TRAF3: variants seen among roughly 807,000 people sequenced by gnomAD.
The protein encoded by TRAF3 is TNF receptor associated factor 3, also known as TNF receptor-associated factor 3.
TRAF3 carries 13 observed loss-of-function variants against 62.3 expected under a neutral mutation model. That is an observed-to-expected ratio of 0.21 (90% CI 0.14 to 0.33). The LOEUF (loss-of-function observed/expected upper bound fraction) is 0.33, where lower values mean the gene tolerates loss of function less well. Among genes scored for constraint, TRAF3 ranks in the 10% least tolerant of loss-of-function variants. TRAF3 has a pLI of 1.00. For synonymous variants in TRAF3, 269 were observed against 283.4 expected, an observed-to-expected ratio of 0.95 and a Z score of 0.51; for missense variants, 440 against 741.8, an observed-to-expected ratio of 0.59 and a Z score of 4.73.
chr14:102,848,959 T>G (rs998013834), intron 2 of TRAF3, among the ~76,000 whole-genome samples: 10 of 152,114 alleles, frequency 6.6e-5, no homozygotes, highest in Non-Finnish European at 1.0e-4. Flanking sequence ...TGTTGTTGTT[T>G]TTTCCTTTTG....
chr14:102,812,637 A>AGGCC (rs1192287619), intron 1 of TRAF3, among the ~76,000 whole-genome samples: 1 of 152,028 alleles, frequency 6.6e-6, no homozygotes, highest in Non-Finnish European at 1.5e-5. Context: ...GCCTTTTCTC[A>AGGCC]GGCCGGGCGT....
At chr14:102,839,240 A>G (rs867453111) in intron 2 of TRAF3, among the ~76,000 whole-genome samples, 2 of 31,054 alleles carry the variant, frequency 6.4e-5, no homozygotes, top group African/African-American at 3.4e-4. Context: ...TTTTTTTTTG[A>G]AACAGTCTCA....
intron 2 of TRAF3, among the ~76,000 whole-genome samples, chr14:102,839,994 T>C (rs1230791044): frequency 1.3e-5 from 2 of 152,204 alleles, no homozygotes; most frequent in African/African-American, 4.8e-5. Flanking sequence ...ATTAGTCTAA[T>C]TCTACTTAGT....
rs547062697 is a variant in TRAF3, at chr14:102,828,540, G to A, written c.-156-1794G>A. Among the ~76,000 whole-genome samples, 3 of 152,316 alleles carry A rather than the reference G, an allele frequency of 2.0e-5. No individual in the cohort carries two copies. In the East Asian group the frequency reaches 5.8e-4, roughly 29 times the overall value. The stretch of plus-strand genomic sequence containing the variant: ...ACGTGAAGCTGAAGATGTCTTTGCA[G>A]TTTGTGCACGATAATTTTGTTTTCA... On this transcript the variant is annotated intron_variant, in intron 1 of 11. Coordinates refer to ENST00000392745, the MANE Select transcript of TRAF3 (RefSeq NM_145725.3).
chr14:102,789,623 T>TGTGG (rs59149219), intron 1 of TRAF3, among the ~76,000 whole-genome samples: 1 of 145,150 alleles, frequency 6.9e-6, no homozygotes, highest in Non-Finnish European at 1.5e-5. Flanking sequence ...TGTGTGTGTG[T>TGTGG]GGTATGTGTA....
chr14:102,879,748 A>G (rs561121030), intron 6 of TRAF3, among the ~76,000 whole-genome samples: 33 of 151,794 alleles, frequency 2.2e-4, no homozygotes, highest in African/African-American at 8.0e-4. Flanking sequence ...GCTTTCTGTA[A>G]TTTTCCTGTG....
chr14:102,891,459 C>G, intron 9 of TRAF3, 42 bp downstream of exon 9: 1 of 1,569,944 alleles, frequency 6.4e-7, no homozygotes, highest in South Asian at 1.2e-5. Context: ...TTTGTATCAT[C>G]TCTTCAGATT....
intron 6 of TRAF3, among the ~76,000 whole-genome samples, chr14:102,881,403 AAAAAAAAG>A (rs1183893960): frequency 1.3e-5 from 2 of 151,804 alleles, no homozygotes; most frequent in Non-Finnish European, 2.9e-5. Flanking sequence ...AACAAAAAAA[AAAAAAAAG>A]AAAAAAAGGA....
At chr14:102,812,695 G>A (rs989389078) in intron 1 of TRAF3, among the ~76,000 whole-genome samples, 9 of 152,050 alleles carry the variant, frequency 5.9e-5, no homozygotes, top group Non-Finnish European at 8.8e-5. Context: ...CGAGGGGGGC[G>A]GATCACGAGG....
chr14:102,811,273 G>A (rs1159887417), intron 1 of TRAF3, among the ~76,000 whole-genome samples: 3 of 151,068 alleles, frequency 2.0e-5, no homozygotes, highest in South Asian at 2.1e-4. Flanking sequence ...CTGTATTAGC[G>A]TCCTTCTGAG....
At chr14:102,828,060 C>A (rs1333723328) in intron 1 of TRAF3, among the ~76,000 whole-genome samples, 2 of 152,256 alleles carry the variant, frequency 1.3e-5, no homozygotes, top group Non-Finnish European at 2.9e-5. Context: ...CGCATTCCCA[C>A]CCCGCACGGC....
chr14:102,826,252 C>T lies in TRAF3; in HGVS notation c.-156-4082C>T, dbSNP rs760617813. ...TGAACTGACTGTGCCTCAGCATCCT[C>T]GTCTGTCTGGTGGAGCCGCCTCACA... On this transcript the variant is annotated intron_variant, in intron 1 of 11. Transcript: ENST00000392745. This position sits in a 1 kb window ranked among gnomAD's most constrained non-coding sequence, Gnocchi z 4.6. 6.6e-5 allele frequency among the ~76,000 whole-genome samples: 10 copies of T among 152,022 alleles called. No individual in the cohort carries two copies. Among genetic ancestry groups the T allele is most frequent in the African/African-American group, 1.7e-4 (7 of 41,380 alleles).
At chr14:102,808,197 G>C (rs924710766) in intron 1 of TRAF3, among the ~76,000 whole-genome samples, 1 of 152,082 alleles carries the variant, frequency 6.6e-6, no homozygotes, top group Non-Finnish European at 1.5e-5. Context: ...CCTAAGTTTC[G>C]CAATGGAGAT....
intron 11 of TRAF3, among the ~76,000 whole-genome samples, chr14:102,904,540 G>A (rs1472810721): frequency 6.6e-6 from 1 of 152,198 alleles, no homozygotes; most frequent in Non-Finnish European, 1.5e-5. Flanking sequence ...GCCGGGTGCA[G>A]TGGCTCACGC....
At chr14:102,878,289 G>A (rs946354519) in intron 6 of TRAF3, among the ~76,000 whole-genome samples, 8 of 150,988 alleles carry the variant, frequency 5.3e-5, no homozygotes, top group African/African-American at 1.2e-4. Flanking sequence ...CTCATACTTC[G>A]GTTACTTTGG....
chr14:102,855,751 A>C (rs962744979), intron 2 of TRAF3, among the ~76,000 whole-genome samples: 1 of 151,242 alleles, frequency 6.6e-6, no homozygotes, highest in South Asian at 2.1e-4. Flanking sequence ...AGCCAAGATC[A>C]TGCCACCGCA....
chr14:102,814,222 G>A (rs1217009086), intron 1 of TRAF3, among the ~76,000 whole-genome samples: 1 of 152,200 alleles, frequency 6.6e-6, no homozygotes, highest in Non-Finnish European at 1.5e-5. Context: ...TCAGTTGGCT[G>A]TAGATATGCA....
rs372134660 is a variant in TRAF3, at chr14:102,903,281, A to G, written c.987A>G (p.Lys329=). ...GAGTGATAGACAGCCAAGCAGAGAAACTGAAGGAGCTTGACAAGGAGATCC... is the reference window on the plus strand; with the variant it reads ...GAGTGATAGACAGCCAAGCAGAGAAGCTGAAGGAGCTTGACAAGGAGATCC... ...LQRVIDSQAE[K]LKELDKEIRP... The change falls in exon 11 of 12, where the codon AAA becomes AAG. Residue 329 remains lysine, a synonymous_variant. Coordinates refer to ENST00000392745, the MANE Select transcript of TRAF3 (RefSeq NM_145725.3). This position sits in a 1 kb window ranked among gnomAD's most constrained non-coding sequence, Gnocchi z 6.4. The G allele has an allele frequency of 6.8e-6, 11 of 1,614,216 alleles. No homozygotes were observed. Among genetic ancestry groups the G allele is most frequent in the East Asian group, 2.2e-5 (1 of 44,874 alleles).
chr14:102,818,400 C>G (rs189948418), intron 1 of TRAF3, among the ~76,000 whole-genome samples: 12 of 152,250 alleles, frequency 7.9e-5, no homozygotes, highest in African/African-American at 2.6e-4. Flanking sequence ...GATTCACCCA[C>G]GGAAGTTACT....
Sources: gnomAD v4.1 joint callset for allele counts (sites outside exome capture counted in the v4.1 genomes callset) on GRCh38, gnomAD v4.1.1 for gene constraint, Gnocchi (gnomAD v3.1) non-coding constraint, MANE v1.5 for transcripts, NCBI Gene and HGNC (gene_info 2026-07-23, HGNC 2026-07-21) for gene names.